NEIL3: variants seen among roughly 807,000 people sequenced by gnomAD.
NEIL3 encodes the protein endonuclease 8-like 3.
Under a neutral mutation model 57.5 loss-of-function variants are expected in NEIL3, and 48 were observed. The observed-to-expected ratio is 0.83, with a 90% CI of 0.66 to 1.06. NEIL3 has a LOEUF of 1.06. Among genes scored for constraint, NEIL3 ranks in the 50% least tolerant of loss-of-function variants. The pLI is 0.00. For missense variants in NEIL3, 717 were observed against 739.1 expected (o/e 0.97, Z 0.35); for synonymous variants, 261 against 253.2 (o/e 1.03, Z -0.29).
intron 1 of NEIL3, among the ~76,000 whole-genome samples, chr4:177,313,213 A>T (rs566579505): frequency 6.6e-6 from 1 of 152,242 alleles, no homozygotes; most frequent in Admixed American, 6.5e-5. Flanking sequence ...TAAACCTCAG[A>T]TAATCATACC....
At chr4:177,347,679 A>G (rs562231727) in intron 6 of NEIL3, among the ~76,000 whole-genome samples, 27 of 152,100 alleles carry the variant, frequency 1.8e-4, no homozygotes, top group African/African-American at 5.1e-4. Context: ...AGGTGGTGGG[A>G]AAAAAAGGTT....
At chr4:177,365,133 CT>C (rs2110950660), downstream of NEIL3, among the ~76,000 whole-genome samples, 1 of 152,290 alleles carries the variant, frequency 6.6e-6, no homozygotes, top group Non-Finnish European at 1.5e-5. Flanking sequence ...AGGCCACTAT[CT>C]GTGTGGAGTT....
rs1160853632 is a variant in NEIL3, at chr4:177,362,538, A to G, written c.*67A>G. The G allele has an allele frequency of 3.2e-6, 4 of 1,234,032 alleles. No homozygotes were observed. Among genetic ancestry groups the G allele is most frequent in the African/African-American group, 1.5e-5 (1 of 65,368 alleles). 76.4% of individuals were successfully genotyped at this position (1,234,032 alleles called of 1,614,324 possible). On this transcript the variant is annotated 3_prime_UTR_variant, in exon 10 of 10. Coordinates refer to ENST00000264596, the MANE Select transcript of NEIL3 (RefSeq NM_018248.3). The stretch of plus-strand genomic sequence containing the variant: ...ATAATGTTTGGTCCTCCTCTGTTTC[A>G]TAGAAAAGTCATAGAATATCTATGA...
At chr4:177,326,012 C>T (rs754786323) in intron 2 of NEIL3, among the ~76,000 whole-genome samples, 1 of 152,008 alleles carries the variant, frequency 6.6e-6, no homozygotes, top group African/African-American at 2.4e-5. Flanking sequence ...ATTTTCTTAA[C>T]CATATCTCTT....
intron 8 of NEIL3, among the ~76,000 whole-genome samples, chr4:177,356,654 T>C (rs1170939317): frequency 6.6e-6 from 1 of 152,200 alleles, no homozygotes; most frequent in Non-Finnish European, 1.5e-5. Context: ...TAATATTATA[T>C]GATAATTACT....
chr4:177,334,811 C>T (rs2110905193), intron 2 of NEIL3, among the ~76,000 whole-genome samples: 1 of 152,300 alleles, frequency 6.6e-6, no homozygotes, highest in South Asian at 2.1e-4. Flanking sequence ...TATTTATGAA[C>T]TCAACAAAGC....
chr4:177,351,887 C>G (rs1027140848), intron 7 of NEIL3, among the ~76,000 whole-genome samples: 11 of 152,168 alleles, frequency 7.2e-5, no homozygotes, highest in Admixed American at 3.9e-4. Flanking sequence ...GTTTGTTATT[C>G]AGTCCAAGTG....
At chr4:177,367,292 A>G (rs1412072343), downstream of NEIL3, among the ~76,000 whole-genome samples, 3 of 152,150 alleles carry the variant, frequency 2.0e-5, no homozygotes, top group Admixed American at 6.5e-5. Context: ...TTAGCATGCC[A>G]TCAGCCTCTT....
chr4:177,326,066 A>G (rs912414102), intron 2 of NEIL3, among the ~76,000 whole-genome samples: 5 of 151,692 alleles, frequency 3.3e-5, no homozygotes, highest in Admixed American at 1.3e-4. Context: ...AATTTATCAA[A>G]TTTTTTTTTC....
intron 2 of NEIL3, among the ~76,000 whole-genome samples, chr4:177,324,738 C>A (rs1734746920): frequency 6.6e-6 from 1 of 152,074 alleles, no homozygotes; most frequent in Admixed American, 6.5e-5. Context: ...GTAGAGAAAA[C>A]TGAAAAATAA....
intron 1 of NEIL3, among the ~76,000 whole-genome samples, chr4:177,320,200 T>C (rs1221484778): frequency 3.9e-5 from 6 of 152,312 alleles, no homozygotes; most frequent in Non-Finnish European, 5.9e-5. Context: ...TAAAGTCTCC[T>C]GTTAAGGAGA....
At chr4:177,332,071 G>A (rs971719162) in intron 2 of NEIL3, among the ~76,000 whole-genome samples, 1 of 152,172 alleles carries the variant, frequency 6.6e-6, no homozygotes, top group African/African-American at 2.4e-5. Flanking sequence ...GGGGATAGTG[G>A]GGATATTTAC....
rs1474425066 is a variant in NEIL3, at chr4:177,322,568, C to T, written c.266C>T (p.Pro89Leu). The change falls in exon 2 of 10, where the codon CCA (proline) becomes CTA (leucine). Residue 89 changes from proline (P) to leucine (L), a missense_variant. By Grantham distance (98) the Pro-to-Leu change is moderately conservative. Coordinates refer to ENST00000264596, the MANE Select transcript of NEIL3 (RefSeq NM_018248.3). Reference sequence around the variant, plus strand: ...AAGGAGCTCTTTATGTACTTTGGACCAAAAGCTTTACGGTAAGATAAGCCT... The same window carrying T: ...AAGGAGCTCTTTATGTACTTTGGACTAAAAGCTTTACGGTAAGATAAGCCT... ...LGKELFMYFG[P>L]KALRIHFGMK... 4.3e-6 allele frequency: 7 copies of T among 1,613,626 alleles called. No individual in the cohort carries two copies. The Admixed American group carries it at 1.2e-4, about 27-fold the overall frequency.
downstream of NEIL3, among the ~76,000 whole-genome samples, chr4:177,366,105 G>A (rs752920995): frequency 6.6e-6 from 1 of 152,090 alleles, no homozygotes; most frequent in Non-Finnish European, 1.5e-5. Flanking sequence ...TATTCAAGAG[G>A]CAATACAGAA....
chr4:177,341,414 T>C, intron 5 of NEIL3, 62 bp from the exon 6 acceptor site: 1 of 1,404,410 alleles, frequency 7.1e-7, no homozygotes, highest in Non-Finnish European at 9.5e-7. Context: ...AGAATGTGTC[T>C]TTGGCTCCTT....
chr4:177,351,981 C>G (rs1168598697), intron 7 of NEIL3, among the ~76,000 whole-genome samples: 4 of 152,152 alleles, frequency 2.6e-5, no homozygotes, highest in Non-Finnish European at 4.4e-5. Context: ...TCTTCTTTAT[C>G]CCTTCTACCC....
intron 6 of NEIL3, among the ~76,000 whole-genome samples, chr4:177,348,005 A>G (rs1205573773): frequency 6.6e-6 from 1 of 152,162 alleles, no homozygotes; most frequent in Non-Finnish European, 1.5e-5. Flanking sequence ...GCTAGATGAG[A>G]AAACTTTTAG....
chr4:177,335,949 G>C, intron 3 of NEIL3, 127 bp downstream of exon 3: 2 of 1,063,920 alleles, frequency 1.9e-6, no homozygotes, highest in South Asian at 1.7e-5. Context: ...TTTTAAAGAA[G>C]CCTTCAGATA....
chr4:177,342,140 G>C (rs1461931654), intron 6 of NEIL3, among the ~76,000 whole-genome samples: 1 of 152,210 alleles, frequency 6.6e-6, no homozygotes, highest in Non-Finnish European at 1.5e-5. Flanking sequence ...CCGCAGGATA[G>C]GTTTGAGGAC....
Sources: allele counts gnomAD v4.1 joint callset (sites outside exome capture counted in the v4.1 genomes callset), GRCh38; gene constraint gnomAD v4.1.1; transcripts MANE v1.5; gene names NCBI Gene and HGNC (gene_info 2026-07-23, HGNC 2026-07-21).